Variants in CHCT1 observed in about 807,000 individuals in gnomAD.
CHCT1 encodes the protein CHD1 helical C-terminal domain containing 1.
At chr17:60,428,750 G>A in the CHCT1 span, among the ~76,000 whole-genome samples, 1 of 151,946 alleles carries the variant, frequency 6.6e-6, no homozygotes, top group Non-Finnish European at 1.5e-5. Context: ...ACCTTCCAAA[G>A]TGCTAGGACT....
chr17:60,426,671 G>T, the CHCT1 span: 1 of 1,575,910 alleles, frequency 6.3e-7, no homozygotes. Context: ...CTGGAGGGAG[G>T]AAGCGCTGTG....
chr17:60,422,739 A>G, the CHCT1 span: 1 of 1,292,758 alleles, frequency 7.7e-7, no homozygotes, highest in Non-Finnish European at 1.0e-6. Context: ...AGAGAAGAAC[A>G]ATGATAGGGT....
the CHCT1 span, among the ~76,000 whole-genome samples, chr17:60,428,762 C>T: frequency 6.6e-6 from 1 of 152,070 alleles, no homozygotes; most frequent in South Asian, 2.1e-4. Context: ...GCTAGGACTA[C>T]AGGCATGAGC....
chr17:60,421,663 C>G, the CHCT1 span: 2 of 918,340 alleles, frequency 2.2e-6, no homozygotes, highest in East Asian at 2.4e-4. Flanking sequence ...GCGCTGCTGC[C>G]GCGCCAGGGG....
the CHCT1 span, among the ~76,000 whole-genome samples, chr17:60,430,442 T>C: frequency 3.3e-5 from 5 of 152,158 alleles, no homozygotes; most frequent in African/African-American, 1.2e-4. Flanking sequence ...CTATGTGGTA[T>C]TTCTTTGGCA....
the CHCT1 span, among the ~76,000 whole-genome samples, chr17:60,427,788 A>T: frequency 6.6e-6 from 1 of 152,082 alleles, no homozygotes; most frequent in Non-Finnish European, 1.5e-5. Context: ...ACAGTATGAT[A>T]TGGAAGAGTG....
At chr17:60,422,364 C>T in the CHCT1 span, 27 of 1,156,244 alleles carry the variant, frequency 2.3e-5, no homozygotes, top group African/African-American at 2.5e-4. Flanking sequence ...TGCTCCGTTC[C>T]CTAGTCCAGA....
chr17:60,426,608 A>G, the CHCT1 span: 2 of 1,447,450 alleles, frequency 1.4e-6, no homozygotes, highest in Non-Finnish European at 1.9e-6. Flanking sequence ...CCAAACCCCA[A>G]AGGGGCATGT....
the CHCT1 span, among the ~76,000 whole-genome samples, chr17:60,423,515 G>A: frequency 2.0e-5 from 3 of 151,774 alleles, no homozygotes; most frequent in African/African-American, 7.3e-5. Context: ...CCAGGCTGGA[G>A]TGCAGTGGCT....
At chr17:60,422,507 G>T in the CHCT1 span, 13 of 1,541,530 alleles carry the variant, frequency 8.4e-6, no homozygotes, top group Non-Finnish European at 1.1e-5. Context: ...CACTCCCTGA[G>T]ACGGCTAGGT....
the CHCT1 span, among the ~76,000 whole-genome samples, chr17:60,429,166 A>T: frequency 6.6e-6 from 1 of 152,232 alleles, no homozygotes; most frequent in Non-Finnish European, 1.5e-5. Flanking sequence ...ACGCAGGAGG[A>T]CACCATTGGC....
the CHCT1 span, chr17:60,426,968 C>G: frequency 7.0e-7 from 1 of 1,419,450 alleles, no homozygotes; most frequent in Non-Finnish European, 9.4e-7. Flanking sequence ...TTGACCTTTA[C>G]CCCTGCCCTG....
chr17:60,429,003 A>G, the CHCT1 span, among the ~76,000 whole-genome samples: 1 of 151,300 alleles, frequency 6.6e-6, no homozygotes, highest in Non-Finnish European at 1.5e-5. Context: ...TCAGGGTTCT[A>G]GGGATTCTCC....
the CHCT1 span, chr17:60,422,326 C>G: frequency 4.0e-6 from 3 of 743,294 alleles, no homozygotes; most frequent in Non-Finnish European, 5.9e-6. Context: ...TGCGCTCTGC[C>G]AAAGTCTTCG....
chr17:60,425,756 G>A, the CHCT1 span: 16 of 1,515,786 alleles, frequency 1.1e-5, no homozygotes, highest in East Asian at 2.5e-5. Flanking sequence ...CCAATCCCCC[G>A]GCTTAGTGCC....
chr17:60,428,015 T>C, the CHCT1 span, among the ~76,000 whole-genome samples: 1 of 152,184 alleles, frequency 6.6e-6, no homozygotes, highest in African/African-American at 2.4e-5. Flanking sequence ...AGGGGCTCCA[T>C]GAGGTCAAAA....
chr17:60,429,372 G>A, the CHCT1 span: 1 of 1,613,406 alleles, frequency 6.2e-7, no homozygotes, highest in Non-Finnish European at 8.5e-7. Context: ...GTGACATTCT[G>A]CGCCTCGGAT....
the CHCT1 span, chr17:60,422,332 C>T: frequency 1.2e-6 from 1 of 806,238 alleles, no homozygotes; most frequent in Non-Finnish European, 1.8e-6. Flanking sequence ...CTGCCAAAGT[C>T]TTCGCTCGAC....
chr17:60,421,609 T>G, the CHCT1 span: 1 of 980,434 alleles, frequency 1.0e-6, no homozygotes, highest in Non-Finnish European at 1.2e-6. Context: ...CAACGGTCTC[T>G]CGTCGCCGGG....
Sources: allele counts gnomAD v4.1 joint callset (sites outside exome capture counted in the v4.1 genomes callset), GRCh38; gene constraint gnomAD v4.1.1; transcripts MANE v1.5; gene names NCBI Gene and HGNC (gene_info 2026-07-23, HGNC 2026-07-21).